CDKAL1: variants seen among roughly 807,000 people sequenced by gnomAD.
CDKAL1 encodes CDKAL1 threonylcarbamoyladenosine tRNA methylthiotransferase, also known as threonylcarbamoyladenosine tRNA methylthiotransferase.
In CDKAL1, 32 loss-of-function variants were observed where a neutral mutation model predicts 68.2. That is an observed-to-expected ratio of 0.47 (90% confidence interval 0.35 to 0.63). The LOEUF (loss-of-function observed/expected upper bound fraction) is 0.63, where lower values mean the gene tolerates loss of function less well. CDKAL1 is among the 30% of genes least tolerant of loss of function. The pLI is 0.00. For synonymous variants in CDKAL1, 234 were observed against 244.3 expected (o/e 0.96, Z 0.39); for missense variants, 606 against 696.7 (o/e 0.87, Z 1.47).
At chr6:21,189,251 A>G (rs1173492901) in intron 13 of CDKAL1, among the ~76,000 whole-genome samples, 1 of 152,222 alleles carries the variant, frequency 6.6e-6, no homozygotes, top group Non-Finnish European at 1.5e-5. Flanking sequence ...AGAAGGGAAG[A>G]ATAACTTTTG....
intron 13 of CDKAL1, among the ~76,000 whole-genome samples, chr6:21,184,823 A>ATTTTT (rs34599800): frequency 9.8e-5 from 10 of 101,630 alleles, no homozygotes; most frequent in Non-Finnish European, 1.3e-4. Context: ...CGTGCAGCTA[A>ATTTTT]TTTTTTTTTT....
intron 10 of CDKAL1, among the ~76,000 whole-genome samples, chr6:20,998,479 G>T (rs1219061470): frequency 6.6e-6 from 1 of 152,158 alleles, no homozygotes; most frequent in African/African-American, 2.4e-5. Context: ...GGGCGTGGTG[G>T]CACATGCCTG....
At chr6:21,024,612 T>C (rs1768859122) in intron 11 of CDKAL1, among the ~76,000 whole-genome samples, 1 of 152,194 alleles carries the variant, frequency 6.6e-6, no homozygotes, top group South Asian at 2.1e-4. Context: ...CTTATTAGAC[T>C]TCATATTTCA....
chr6:20,926,309 A>G (rs756476938), intron 9 of CDKAL1, among the ~76,000 whole-genome samples: 15 of 152,138 alleles, frequency 9.9e-5, no homozygotes, highest in Non-Finnish European at 1.9e-4. Context: ...TGTCAAGGAT[A>G]TGTTGATCTT....
intron 11 of CDKAL1, among the ~76,000 whole-genome samples, chr6:21,062,814 C>T (rs1239097589): frequency 6.6e-6 from 1 of 152,226 alleles, no homozygotes; most frequent in Non-Finnish European, 1.5e-5. Context: ...TGACTGTCCT[C>T]ATTGGTATGT....
chr6:21,083,073 C>A (rs1172865697), intron 12 of CDKAL1, among the ~76,000 whole-genome samples: 1 of 151,822 alleles, frequency 6.6e-6, no homozygotes, highest in Non-Finnish European at 1.5e-5. Flanking sequence ...GTCATGTTGC[C>A]CGGAGTGGTC....
intron 4 of CDKAL1, chr6:20,558,653 C>T (rs148804799): frequency 1.1e-5 from 5 of 453,060 alleles, no homozygotes; most frequent in South Asian, 3.1e-5. Context: ...TTGTTCATCA[C>T]ACCACATTTC....
At chr6:20,787,945 C>T (rs895250601) in intron 8 of CDKAL1, among the ~76,000 whole-genome samples, 1 of 152,158 alleles carries the variant, frequency 6.6e-6, no homozygotes, top group Non-Finnish European at 1.5e-5. Context: ...CTGATTTAGG[C>T]TAGTGTGTGT....
At chr6:20,957,968 CAAAAAAAAAAAA>C (rs60301451) in intron 10 of CDKAL1, among the ~76,000 whole-genome samples, 1 of 67,394 alleles carries the variant, frequency 1.5e-5, no homozygotes, top group Non-Finnish European at 3.7e-5. Context: ...AAGATTATCT[CAAAAAAAAAAAA>C]AAAAAAAAAG....
At chr6:20,758,359 T>C (rs554550733) in intron 6 of CDKAL1, among the ~76,000 whole-genome samples, 1 of 152,314 alleles carries the variant, frequency 6.6e-6, no homozygotes, top group South Asian at 2.1e-4. Context: ...GCAGTTTATT[T>C]AAATGCAATA....
At chr6:20,888,951 C>A (rs577889004) in intron 9 of CDKAL1, among the ~76,000 whole-genome samples, 24 of 152,336 alleles carry the variant, frequency 1.6e-4, no homozygotes, top group African/African-American at 5.3e-4. Flanking sequence ...GTCACACTGA[C>A]TTGCACAATG....
intron 12 of CDKAL1, among the ~76,000 whole-genome samples, chr6:21,097,662 A>G (rs1261485303): frequency 1.3e-5 from 2 of 152,188 alleles, no homozygotes; most frequent in Non-Finnish European, 2.9e-5. Flanking sequence ...CTCTCAACAA[A>G]AGATACTAAA....
At chr6:20,671,187 G>A (rs1769797446) in intron 5 of CDKAL1, among the ~76,000 whole-genome samples, 1 of 152,102 alleles carries the variant, frequency 6.6e-6, no homozygotes, top group South Asian at 2.1e-4. Flanking sequence ...GAATTTTATT[G>A]TTGTCATTCT....
At chr6:21,183,711 A>T (rs1280265711) in intron 13 of CDKAL1, among the ~76,000 whole-genome samples, 1 of 152,196 alleles carries the variant, frequency 6.6e-6, no homozygotes, top group African/African-American at 2.4e-5. Context: ...GCTGCGGGTT[A>T]TGTTACCAAC....
chr6:20,618,607 T>C (rs2127730391), intron 4 of CDKAL1, among the ~76,000 whole-genome samples: 1 of 152,306 alleles, frequency 6.6e-6, no homozygotes, highest in African/African-American at 2.4e-5. Context: ...AATAAGCGTG[T>C]CCAGGCATAT....
At chr6:21,022,807 A>G (rs1378591159) in intron 11 of CDKAL1, among the ~76,000 whole-genome samples, 2 of 152,094 alleles carry the variant, frequency 1.3e-5, no homozygotes, top group African/African-American at 2.4e-5. Context: ...TGTACTTTCT[A>G]TTCATTTCTA....
chr6:20,958,462 G>T (rs1010257962), intron 10 of CDKAL1, among the ~76,000 whole-genome samples: 1 of 152,140 alleles, frequency 6.6e-6, no homozygotes, highest in African/African-American at 2.4e-5. Context: ...AGGGAAGGGA[G>T]CCCAAATCTG....
intron 10 of CDKAL1, among the ~76,000 whole-genome samples, chr6:20,986,755 A>C (rs538391923): frequency 6.6e-6 from 1 of 152,330 alleles, no homozygotes; most frequent in South Asian, 2.1e-4. Context: ...GACTTAGAAA[A>C]GCCAGAAGAA....
At chr6:20,931,837 A>G (rs1400947820) in intron 9 of CDKAL1, among the ~76,000 whole-genome samples, 1 of 152,190 alleles carries the variant, frequency 6.6e-6, no homozygotes, top group African/African-American at 2.4e-5. Flanking sequence ...AGCAACTGTC[A>G]TTTCGTGCTT....
Sources: allele counts gnomAD v4.1 joint callset (sites outside exome capture counted in the v4.1 genomes callset), GRCh38; gene constraint gnomAD v4.1.1; transcripts MANE v1.5; gene names NCBI Gene and HGNC (gene_info 2026-07-23, HGNC 2026-07-21).